KCNG3: variants seen among roughly 807,000 people sequenced by gnomAD.
KCNG3 encodes voltage-gated potassium channel regulatory subunit KCNG3.
Under a neutral mutation model 29.0 loss-of-function variants are expected in KCNG3, and 15 were observed. That is an observed-to-expected ratio of 0.52 (90% CI 0.35 to 0.80). The LOEUF is 0.80. Ranked by LOEUF, KCNG3 falls within the 30% of genes least tolerant of loss-of-function variation. The probability of loss-of-function intolerance (pLI) is 0.01; values close to 1 mark genes in which losing one functional copy is unlikely to be tolerated. For synonymous variants in KCNG3, 322 were observed against 248.9 expected, an observed-to-expected ratio of 1.29 and a Z score of -2.76; for missense variants, 512 against 605.7, an observed-to-expected ratio of 0.85 and a Z score of 1.62.
At chr2:42,438,925 C>T (rs1672421893), downstream of KCNG3, among the ~76,000 whole-genome samples, 5 of 152,006 alleles carry the variant, frequency 3.3e-5, no homozygotes, top group South Asian at 1.0e-3. Flanking sequence ...GGAAAGAACA[C>T]TGAACAGACA....
the KCNG3 span, among the ~76,000 whole-genome samples, chr2:42,402,370 T>C: frequency 6.6e-6 from 1 of 152,214 alleles, no homozygotes; most frequent in Non-Finnish European, 1.5e-5. Context: ...CTCTGAATAA[T>C]ACAAATACTT....
chr2:42,399,355 G>A, the KCNG3 span, among the ~76,000 whole-genome samples: 8 of 151,908 alleles, frequency 5.3e-5, no homozygotes, highest in East Asian at 3.9e-4. Flanking sequence ...CACCGCGCCC[G>A]GCCTGTCCTT....
the KCNG3 span, among the ~76,000 whole-genome samples, chr2:42,421,242 G>A: frequency 2.6e-5 from 4 of 152,322 alleles, no homozygotes; most frequent in East Asian, 7.7e-4. Flanking sequence ...TGGCCTCTGT[G>A]CTAAGTGTTG....
chr2:42,429,853 C>A, the KCNG3 span, among the ~76,000 whole-genome samples: 1 of 152,202 alleles, frequency 6.6e-6, no homozygotes, highest in East Asian at 1.9e-4. Context: ...AGAAACAATG[C>A]GGGTGAGAGT....
At chr2:42,395,501 C>G in the KCNG3 span, among the ~76,000 whole-genome samples, 5 of 152,186 alleles carry the variant, frequency 3.3e-5, no homozygotes, top group East Asian at 9.6e-4. Flanking sequence ...TACAGGTGTG[C>G]ATTTTTACTG....
chr2:42,400,955 G>A, the KCNG3 span, among the ~76,000 whole-genome samples: 8 of 151,554 alleles, frequency 5.3e-5, no homozygotes, highest in African/African-American at 7.3e-5. Flanking sequence ...TCAGTCTGTC[G>A]TCTTTTAATT....
intron 1 of KCNG3, among the ~76,000 whole-genome samples, chr2:42,473,576 C>T (rs534960400): frequency 6.6e-6 from 1 of 151,888 alleles, no homozygotes; most frequent in Non-Finnish European, 1.5e-5. Context: ...TCTCGAACTC[C>T]TGACCTCAAG....
At chr2:42,407,804 T>G in the KCNG3 span, among the ~76,000 whole-genome samples, 6 of 151,476 alleles carry the variant, frequency 4.0e-5, no homozygotes, top group South Asian at 1.3e-3. Flanking sequence ...CCCTCCCTGG[T>G]GCAGCTTCAG....
At chr2:42,432,200 G>T in the KCNG3 span, among the ~76,000 whole-genome samples, 1 of 152,118 alleles carries the variant, frequency 6.6e-6, no homozygotes, top group East Asian at 1.9e-4. Context: ...CACTTGTTAG[G>T]CAAATGCTCC....
intron 1 of KCNG3, among the ~76,000 whole-genome samples, chr2:42,446,848 GAA>G (rs1006553173): frequency 6.6e-6 from 1 of 151,974 alleles, no homozygotes; most frequent in African/African-American, 2.4e-5. Context: ...AATATAGAAA[GAA>G]AGGTCTCAGG....
intron 1 of KCNG3, among the ~76,000 whole-genome samples, chr2:42,457,743 G>T (rs1272311827): frequency 6.6e-6 from 1 of 150,928 alleles, no homozygotes; most frequent in Non-Finnish European, 1.5e-5. Context: ...TTGGGCCCAG[G>T]AGTTCGAGGC....
At chr2:42,411,508 A>C in the KCNG3 span, among the ~76,000 whole-genome samples, 1 of 151,858 alleles carries the variant, frequency 6.6e-6, no homozygotes, top group Non-Finnish European at 1.5e-5. Flanking sequence ...TGAGAGAGAG[A>C]GCCTTACTCT....
At chr2:42,434,458 C>CAAAA in the KCNG3 span, among the ~76,000 whole-genome samples, 12 of 31,236 alleles carry the variant, frequency 3.8e-4, no homozygotes, top group Non-Finnish European at 4.6e-4. Context: ...GACACTGTCT[C>CAAAA]AAAAAAAAAA....
chr2:42,404,487 G>A, the KCNG3 span, among the ~76,000 whole-genome samples: 1 of 152,162 alleles, frequency 6.6e-6, no homozygotes, highest in Non-Finnish European at 1.5e-5. Flanking sequence ...CAGCACTTTG[G>A]GAGGCCGAGG....
chr2:42,420,142 T>C, the KCNG3 span, among the ~76,000 whole-genome samples: 2 of 152,258 alleles, frequency 1.3e-5, no homozygotes, highest in African/African-American at 2.4e-5. Flanking sequence ...GAGAATCGCT[T>C]GAACCCGGGA....
At chr2:42,421,803 G>T in the KCNG3 span, among the ~76,000 whole-genome samples, 1 of 152,190 alleles carries the variant, frequency 6.6e-6, no homozygotes. Context: ...TTTTATCCAG[G>T]ACCACAGCAG....
chr2:42,435,631 T>C, the KCNG3 span, among the ~76,000 whole-genome samples: 3 of 152,254 alleles, frequency 2.0e-5, no homozygotes, highest in African/African-American at 7.2e-5. Flanking sequence ...CTCCAAAGAA[T>C]AGATGAAAAG....
intron 1 of KCNG3, among the ~76,000 whole-genome samples, chr2:42,460,195 T>C (rs955061236): frequency 2.6e-5 from 4 of 151,500 alleles, no homozygotes; most frequent in African/African-American, 4.9e-5. Context: ...AAGACCCTTA[T>C]CTCTACAAAA....
the KCNG3 span, among the ~76,000 whole-genome samples, chr2:42,390,985 T>C: frequency 6.6e-6 from 1 of 152,172 alleles, no homozygotes; most frequent in African/African-American, 2.4e-5. Context: ...CCAACTCTCA[T>C]TCCGGAGGAA....
Sources: allele counts gnomAD v4.1 joint callset (sites outside exome capture counted in the v4.1 genomes callset), GRCh38; gene constraint gnomAD v4.1.1; transcripts MANE v1.5; gene names NCBI Gene and HGNC (gene_info 2026-07-23, HGNC 2026-07-21).